DNAH11: variants seen among roughly 807,000 people sequenced by gnomAD.
The protein encoded by DNAH11 is dynein axonemal heavy chain 11.
In DNAH11, 442 loss-of-function variants were observed where a neutral mutation model predicts 526.0. The observed-to-expected ratio is 0.84, with a 90% CI of 0.78 to 0.91. The LOEUF is 0.91. DNAH11 is among the 40% of genes least tolerant of loss of function. DNAH11 has a pLI of 0.00. For synonymous variants in DNAH11, 2,461 were observed against 1,935.9 expected, an observed-to-expected ratio of 1.27 and a Z score of -7.12; for missense variants, 6,989 against 5,448.7, an observed-to-expected ratio of 1.28 and a Z score of -8.90.
intron 25 of DNAH11, among the ~76,000 whole-genome samples, chr7:21,628,384 G>C (rs1047588714): frequency 1.3e-5 from 2 of 152,040 alleles, no homozygotes; most frequent in African/African-American, 4.8e-5. Context: ...TAGAGGAAAG[G>C]CTATCAAATT....
intron 65 of DNAH11, among the ~76,000 whole-genome samples, chr7:21,820,615 T>C (rs1448241236): frequency 1.3e-5 from 2 of 152,196 alleles, no homozygotes; most frequent in Admixed American, 1.3e-4. Context: ...GAGAAGGATG[T>C]GGACTGGGAC....
At chr7:21,841,928 C>T (rs1389400445) in intron 65 of DNAH11, among the ~76,000 whole-genome samples, 1 of 152,170 alleles carries the variant, frequency 6.6e-6, no homozygotes, top group Non-Finnish European at 1.5e-5. Flanking sequence ...ATTTATTTCT[C>T]AATTTAACCT....
In DNAH11 at chr7:21,736,317, G is replaced by A. The variant is rs538469872; in HGVS notation, c.7645+473G>A. Among the ~76,000 whole-genome samples, 8 of 152,262 alleles carry A rather than the reference G, an allele frequency of 5.3e-5. No individual in the cohort carries two copies. In the South Asian group the frequency reaches 8.3e-4, roughly 16 times the overall value. ...TTGAACTATTGAATAACTAATCAAC[G>A]TAATCAAAAGAACCACACAGATTTG... On this transcript the variant is annotated intron_variant, in intron 46 of 81. Coordinates refer to ENST00000409508, the MANE Select transcript of DNAH11 (RefSeq NM_001277115.2).
intron 30 of DNAH11, among the ~76,000 whole-genome samples, chr7:21,681,106 T>G (rs548988722): frequency 6.6e-6 from 1 of 152,248 alleles, no homozygotes; most frequent in Admixed American, 6.5e-5. Flanking sequence ...CAAGGTTCTT[T>G]GAGGTCCAGC....
chr7:21,710,529 G>A (rs1784420321), intron 40 of DNAH11, 24 bp from the exon 41 acceptor site: 1 of 1,559,920 alleles, frequency 6.4e-7, no homozygotes, highest in East Asian at 2.3e-5. Context: ...GAAATAAACA[G>A]CACTCAACTA....
At chr7:21,595,547 G>T (rs1470353009) in intron 14 of DNAH11, among the ~76,000 whole-genome samples, 1 of 152,194 alleles carries the variant, frequency 6.6e-6, no homozygotes. Flanking sequence ...TACACATTTT[G>T]TCATGATCAA....
chr7:21,826,284 C>T (rs193008026), intron 65 of DNAH11, among the ~76,000 whole-genome samples: 8 of 150,834 alleles, frequency 5.3e-5, no homozygotes, highest in African/African-American at 2.0e-4. Context: ...CCTCATCTAA[C>T]TCTTTAAAAG....
chr7:21,799,134 T>C (rs1353267176), intron 61 of DNAH11, among the ~76,000 whole-genome samples: 1 of 152,098 alleles, frequency 6.6e-6, no homozygotes, highest in Non-Finnish European at 1.5e-5. Flanking sequence ...GGTAACATTA[T>C]TAATTCCATT....
At chr7:21,580,897 C>G (rs996254703) in intron 8 of DNAH11, among the ~76,000 whole-genome samples, 2 of 152,212 alleles carry the variant, frequency 1.3e-5, no homozygotes, top group African/African-American at 4.8e-5. Context: ...GGTTGCCTGG[C>G]TTTAAATTCC....
At position 21,772,770 on chromosome 7, in the gene DNAH11, G is replaced by A. The variant is rs544122172; in HGVS notation, c.9103-996G>A. Among the ~76,000 whole-genome samples, 33 of 152,248 alleles carry A rather than the reference G, an allele frequency of 2.2e-4. No individual in the cohort carries two copies. The South Asian group carries it at 2.7e-3, about 12-fold the overall frequency. On this transcript the variant is annotated intron_variant, in intron 55 of 81. Transcript: ENST00000409508. ...TTCCAAACCCACTCGGGAATTTGTC[G>A]TGATGTTGGAAAGTTGATTGTTTAA...
At chr7:21,714,889 T>G (rs1329646391) in intron 42 of DNAH11, among the ~76,000 whole-genome samples, 1 of 152,228 alleles carries the variant, frequency 6.6e-6, no homozygotes, top group Non-Finnish European at 1.5e-5. Flanking sequence ...TAGATACTTC[T>G]AGATGACTCT....
intron 45 of DNAH11, among the ~76,000 whole-genome samples, chr7:21,732,844 A>G (rs1409114592): frequency 6.6e-6 from 1 of 152,200 alleles, no homozygotes; most frequent in Non-Finnish European, 1.5e-5. Context: ...GGACTTTCTC[A>G]TATCTTTTTG....
chr7:21,579,501 T>C (rs1188445691), intron 8 of DNAH11, among the ~76,000 whole-genome samples: 1 of 151,992 alleles, frequency 6.6e-6, no homozygotes, highest in Non-Finnish European at 1.5e-5. Context: ...GGAGGTGAAA[T>C]GTAAACTGAG....
At chr7:21,823,940 A>G (rs946030614) in intron 65 of DNAH11, among the ~76,000 whole-genome samples, 7 of 152,300 alleles carry the variant, frequency 4.6e-5, no homozygotes, top group Middle Eastern at 3.4e-3. Context: ...TTCTCTTTTG[A>G]TGATGTACAA....
chr7:21,864,639 G>A lies in DNAH11; in HGVS notation c.11478G>A (p.Gln3826=). 1 of 1,603,132 alleles carries A rather than the reference G, an allele frequency of 6.2e-7. No individual in the cohort carries two copies. The highest frequency in any genetic ancestry group is 1.7e-5 in the Admixed American group (1 of 58,152). Residue 3826 remains glutamine (Q), a synonymous_variant, in exon 70 of 82, where the codon CAG becomes CAA. Coordinates refer to ENST00000409508, the MANE Select transcript of DNAH11 (RefSeq NM_001277115.2). ...GTCCCGTTGACTTCCTAACTTCTCA[G>A]TCATGGAGTGCTATCAAGGTATGTT... The part of the protein sequence containing the change: ...HLSPVDFLTS[Q]SWSAIKAIAV...
At chr7:21,896,646 C>T (rs1784525138) in intron 79 of DNAH11, among the ~76,000 whole-genome samples, 1 of 152,232 alleles carries the variant, frequency 6.6e-6, no homozygotes, top group Admixed American at 6.5e-5. Flanking sequence ...CTCATGTCTA[C>T]ATTTATCTGC....
chr7:21,731,723 T>C (rs1785396168), intron 45 of DNAH11, among the ~76,000 whole-genome samples: 1 of 152,210 alleles, frequency 6.6e-6, no homozygotes, highest in Non-Finnish European at 1.5e-5. Context: ...ATTTATAAGT[T>C]AAATTGCACA....
intron 44 of DNAH11, among the ~76,000 whole-genome samples, chr7:21,723,995 A>C (rs1000566053): frequency 3.9e-5 from 6 of 152,108 alleles, no homozygotes. Flanking sequence ...CCTCTCCTCT[A>C]TGTTCCCCAT....
intron 31 of DNAH11, 163 bp downstream of exon 31, chr7:21,681,840 C>G: frequency 1.1e-6 from 1 of 907,288 alleles, no homozygotes; most frequent in Admixed American, 1.8e-5. Context: ...TTTGGTTAGC[C>G]AATATATTAT....
Sources: gnomAD v4.1 joint callset for allele counts (sites outside exome capture counted in the v4.1 genomes callset) on GRCh38, gnomAD v4.1.1 for gene constraint, MANE v1.5 for transcripts, NCBI Gene and HGNC (gene_info 2026-07-23, HGNC 2026-07-21) for gene names.